ZFHX3: variants seen among roughly 807,000 people sequenced by gnomAD.
ZFHX3 encodes the protein zinc finger homeobox protein 3.
Under a neutral mutation model 279.1 loss-of-function variants are expected in ZFHX3, and 42 were observed. The observed-to-expected ratio is 0.15, with a 90% CI of 0.12 to 0.19. ZFHX3 has a LOEUF of 0.19. Among genes scored for constraint, ZFHX3 ranks in the 10% least tolerant of loss-of-function variants. ZFHX3 has a pLI of 1.00. For synonymous variants in ZFHX3, 2,293 were observed against 1,957.8 expected, an observed-to-expected ratio of 1.17 and a Z score of -4.52; for missense variants, 4,981 against 4,754.0, an observed-to-expected ratio of 1.05 and a Z score of -1.40.
chr16:72,793,785 T>C lies in ZFHX3; in HGVS notation c.8897A>G (p.Asn2966Ser). Residue 2966 changes from asparagine (N) to serine (S), a missense_variant, in exon 9 of 10, where the codon AAT becomes AGT. Asn to Ser is a conservative substitution (Grantham distance 46, BLOSUM62 1). Around this residue, in one of 7 missense-constraint regions of ZFHX3, gnomAD observed 168 missense variants for 249.1 expected, o/e 0.67. Transcript: ENST00000268489. This position sits in a 1 kb window ranked among gnomAD's most constrained non-coding sequence, Gnocchi z 4.3. Reference sequence around the variant, plus strand: ...TAGCATAGTGGGTGTCCTGTAGTCATTAAAGCATGACTTGAGGACCTTCAG... The same window carrying C: ...TAGCATAGTGGGTGTCCTGTAGTCACTAAAGCATGACTTGAGGACCTTCAG... ...LQLKVLKSCF[N>S]DYRTPTMLEC... is the part of the protein sequence containing the mutation. The C allele has an allele frequency of 1.2e-6, 2 of 1,614,196 alleles. No homozygotes were observed. The highest frequency in any genetic ancestry group is 1.7e-6 in the Non-Finnish European group (2 of 1,180,036).
chr16:73,799,744 G>C (rs933591062), intron 1 of ZFHX3, among the ~76,000 whole-genome samples: 1 of 152,126 alleles, frequency 6.6e-6, no homozygotes, highest in Non-Finnish European at 1.5e-5. Context: ...GCGATCTCCT[G>C]TCTTTTTGAA....
chr16:73,603,854 C>T (rs2052150313), intron 2 of ZFHX3, among the ~76,000 whole-genome samples: 1 of 147,256 alleles, frequency 6.8e-6, no homozygotes, highest in Admixed American at 6.8e-5. Context: ...TATCGGCTCA[C>T]TGCAACCTCT....
At chr16:73,323,954 C>T (rs118013268) in intron 3 of ZFHX3, among the ~76,000 whole-genome samples, 142 of 152,322 alleles carry the variant, frequency 9.3e-4, no homozygotes, top group African/African-American at 3.2e-3. Flanking sequence ...ATCAAAGAAA[C>T]CTTCCATGGG....
At chr16:73,666,480 A>G (rs937949244) in intron 2 of ZFHX3, among the ~76,000 whole-genome samples, 2 of 151,960 alleles carry the variant, frequency 1.3e-5, no homozygotes, top group African/African-American at 4.9e-5. Flanking sequence ...GATGATGGAA[A>G]GTTTCTGAAC....
At chr16:72,965,842 G>C (rs1961809135) in intron 1 of ZFHX3, among the ~76,000 whole-genome samples, 1 of 152,180 alleles carries the variant, frequency 6.6e-6, no homozygotes, top group Non-Finnish European at 1.5e-5. Flanking sequence ...AAGAATTTTA[G>C]GGGTGGGATG....
intron 5 of ZFHX3, among the ~76,000 whole-genome samples, chr16:73,183,904 C>G (rs773395679): frequency 6.6e-6 from 1 of 151,940 alleles, no homozygotes; most frequent in Non-Finnish European, 1.5e-5. Flanking sequence ...CTCTCTTTGC[C>G]CTGGAATATC....
chr16:73,498,521 T>C (rs1012991841), intron 2 of ZFHX3, among the ~76,000 whole-genome samples: 4 of 152,238 alleles, frequency 2.6e-5, no homozygotes, highest in African/African-American at 9.6e-5. Context: ...CCTGAAGAGT[T>C]GAAGAAGGAA....
At chr16:73,015,136 T>A (rs1029825203) in intron 1 of ZFHX3, 1 of 140,154 alleles carries the variant, frequency 7.1e-6, no homozygotes, top group African/African-American at 2.6e-5. Context: ...ACCCTCTACC[T>A]CCCGGGCTGA....
chr16:73,542,841 C>T (rs2020042632), intron 2 of ZFHX3, among the ~76,000 whole-genome samples: 1 of 151,988 alleles, frequency 6.6e-6, no homozygotes, highest in East Asian at 1.9e-4. Context: ...TTTGGGAACC[C>T]TAAACCTTCA....
chr16:73,251,129 C>T (rs2013474378), intron 5 of ZFHX3, among the ~76,000 whole-genome samples: 1 of 152,190 alleles, frequency 6.6e-6, no homozygotes, highest in Admixed American at 6.5e-5. Context: ...AAAAAAGTGT[C>T]TATTCTTACC....
At chr16:73,428,822 T>G (rs754388590) in intron 3 of ZFHX3, among the ~76,000 whole-genome samples, 23 of 152,116 alleles carry the variant, frequency 1.5e-4, no homozygotes, top group Non-Finnish European at 2.6e-4. Flanking sequence ...CTGAGGCCCT[T>G]CTATAAGGAT....
chr16:73,147,418 C>T (rs1269253506), intron 5 of ZFHX3, among the ~76,000 whole-genome samples: 4 of 151,978 alleles, frequency 2.6e-5, no homozygotes, highest in Non-Finnish European at 4.4e-5. Flanking sequence ...TTGGGCCGGG[C>T]GCGGTGGCTC....
At chr16:73,792,423 C>A (rs1325578455) in intron 1 of ZFHX3, among the ~76,000 whole-genome samples, 1 of 152,154 alleles carries the variant, frequency 6.6e-6, no homozygotes, top group Non-Finnish European at 1.5e-5. Context: ...AAGAAAGGAG[C>A]TGGCAATACT....
intron 2 of ZFHX3, among the ~76,000 whole-genome samples, chr16:73,586,386 C>G (rs891185911): frequency 7.5e-6 from 1 of 133,276 alleles, no homozygotes; most frequent in Admixed American, 8.8e-5. Context: ...AAGACTCTAT[C>G]TCAAAACAAA....
intron 1 of ZFHX3, among the ~76,000 whole-genome samples, chr16:72,969,171 T>C (rs1217116095): frequency 1.3e-5 from 2 of 152,106 alleles, no homozygotes; most frequent in Non-Finnish European, 2.9e-5. Context: ...CACCCTGACA[T>C]GCGTATCTTT....
In ZFHX3 at chr16:73,452,973, C is replaced by G. The variant is rs1031979289; in HGVS notation, c.-1291+3030G>C. ...ACTTTGCTGCAAGCATCAATCATAT[C>G]CAGTCCTTCTCCATTGGGTTGGACT... On this transcript the variant is annotated intron_variant, in intron 3 of 17. Coordinates refer to the ZFHX3 transcript ENST00000641206. Among the ~76,000 whole-genome samples, 7 of 152,348 alleles carry G rather than the reference C, an allele frequency of 4.6e-5. No individual in the cohort carries two copies. In the South Asian group the frequency reaches 1.0e-3, roughly 23 times the overall value.
At chr16:73,153,802 A>G (rs567506110) in intron 5 of ZFHX3, among the ~76,000 whole-genome samples, 2 of 152,142 alleles carry the variant, frequency 1.3e-5, no homozygotes, top group East Asian at 1.9e-4. Flanking sequence ...GGCGCACACC[A>G]CTACACCCAG....
rs545023089 is a variant in ZFHX3 at position 73,766,724 on chromosome 16, C to T, written c.-1607-86484G>A. Among the ~76,000 whole-genome samples the T allele has an allele frequency of 2.0e-5, 3 of 152,246 alleles. No individual in the cohort carries two copies. In the East Asian group the frequency reaches 5.8e-4, roughly 29 times the overall value. On this transcript the variant is annotated intron_variant, in intron 1 of 17. Transcript: ENST00000641206. ...TGTTTAAAGCACCTATCACTCAGGA[C>T]AGGACCGCAGACCAGAAGTGACATG...
At chr16:73,540,276 T>C (rs925674755) in intron 2 of ZFHX3, among the ~76,000 whole-genome samples, 1 of 152,214 alleles carries the variant, frequency 6.6e-6, no homozygotes, top group Non-Finnish European at 1.5e-5. Context: ...TGAGTAGAAA[T>C]GAAACAGAAC....
Sources: allele counts gnomAD v4.1 joint callset (sites outside exome capture counted in the v4.1 genomes callset), GRCh38; gene constraint gnomAD v4.1.1; regional missense constraint gnomAD v4.1.1; non-coding constraint Gnocchi (gnomAD v3.1); transcripts MANE v1.5; gene names NCBI Gene and HGNC (gene_info 2026-07-23, HGNC 2026-07-21).